Variants in DPH5 observed in about 807,000 individuals in gnomAD.
DPH5 encodes diphthine methyl ester synthase.
In DPH5, 31 loss-of-function variants were observed where a neutral mutation model predicts 31.6. That is an observed-to-expected ratio of 0.98 (90% CI 0.74 to 1.32). The LOEUF (loss-of-function observed/expected upper bound fraction) is 1.32, where lower values mean the gene tolerates loss of function less well. Among genes scored for constraint, DPH5 ranks in the 40% most tolerant of loss-of-function variants. DPH5 has a pLI of 0.00. For missense variants in DPH5, 309 were observed against 335.7 expected (o/e 0.92, Z 0.62); for synonymous variants, 120 against 115.0 (o/e 1.04, Z -0.28).
chr1:101,002,901 G>A (rs1212842732), intron 4 of DPH5, among the ~76,000 whole-genome samples: 3 of 152,114 alleles, frequency 2.0e-5, no homozygotes, highest in Non-Finnish European at 4.4e-5. Flanking sequence ...TAATTCCCTA[G>A]AGCAGCAGCT....
chr1:100,994,978 A>G (rs749624066), intron 6 of DPH5, 132 bp downstream of exon 6: 121 of 614,136 alleles, frequency 2.0e-4, no homozygotes, highest in Non-Finnish European at 3.0e-4. Flanking sequence ...TAAGAATAAA[A>G]ATGCTTAATG....
chr1:100,990,943 G>C (rs1657635612), intron 7 of DPH5, among the ~76,000 whole-genome samples: 3 of 152,164 alleles, frequency 2.0e-5, no homozygotes, highest in Admixed American at 2.0e-4. Flanking sequence ...TAAGTTCTGA[G>C]TAAACAATGT....
intron 6 of DPH5, among the ~76,000 whole-genome samples, chr1:100,993,710 T>C (rs1422446847): frequency 4.7e-5 from 7 of 150,340 alleles, no homozygotes; most frequent in Non-Finnish European, 7.4e-5. Flanking sequence ...GAATCAAGTT[T>C]TCTAGTAGCC....
chr1:101,009,998 G>A (rs111314307), intron 4 of DPH5, among the ~76,000 whole-genome samples: 51 of 152,060 alleles, frequency 3.4e-4, no homozygotes, highest in Non-Finnish European at 5.4e-4. Context: ...ATACCTTCCC[G>A]ACCTCAGTAG....
chr1:101,013,542 TA>T (rs1413947157), intron 4 of DPH5, 167 bp downstream of exon 4: 11 of 429,130 alleles, frequency 2.6e-5, no homozygotes, highest in Non-Finnish European at 3.7e-5. Flanking sequence ...AAACCTAGCA[TA>T]AAAAAATTAG....
At chr1:101,012,735 T>C (rs1171090595) in intron 4 of DPH5, among the ~76,000 whole-genome samples, 1 of 152,240 alleles carries the variant, frequency 6.6e-6, no homozygotes, top group Non-Finnish European at 1.5e-5. Context: ...AAGTGGTGAA[T>C]ACTGTCAGGT....
intron 7 of DPH5, 40 bp downstream of exon 7, chr1:100,992,597 C>A (rs1307895111): frequency 7.0e-7 from 1 of 1,427,436 alleles, no homozygotes; most frequent in Admixed American, 1.7e-5. Context: ...AATGTAGTAA[C>A]AGAGGAATAA....
At chr1:101,002,953 T>A (rs955482565) in intron 4 of DPH5, among the ~76,000 whole-genome samples, 6 of 152,196 alleles carry the variant, frequency 3.9e-5, no homozygotes, top group Non-Finnish European at 7.4e-5. Flanking sequence ...CTATAAACTA[T>A]AATCAACACT....
intron 3 of DPH5, 30 bp from the exon 4 acceptor site, chr1:101,013,848 A>G (rs566025190): frequency 6.5e-7 from 1 of 1,538,950 alleles, no homozygotes; most frequent in East Asian, 2.3e-5. Context: ...GATTGGATTA[A>G]AGCAAACAAC....
chr1:100,998,843 A>G (rs185140504), intron 5 of DPH5, among the ~76,000 whole-genome samples: 178 of 152,326 alleles, frequency 1.2e-3, no homozygotes, highest in South Asian at 3.7e-3. Context: ...AGGGTGCAGC[A>G]CATGAGATTA....
intron 4 of DPH5, among the ~76,000 whole-genome samples, chr1:101,002,120 T>C (rs1382337793): frequency 1.4e-4 from 22 of 152,188 alleles, no homozygotes; most frequent in Admixed American, 1.4e-3. Context: ...CTCCTGTCAT[T>C]GTTCCAAACC....
At chr1:101,001,374 T>G in intron 5 of DPH5, 93 bp downstream of exon 5, 3 of 1,305,650 alleles carry the variant, frequency 2.3e-6, no homozygotes, top group Non-Finnish European at 3.2e-6. Context: ...TTCTTACCTC[T>G]AGCTAATTAT....
intron 4 of DPH5, among the ~76,000 whole-genome samples, chr1:101,005,030 C>A (rs890053007): frequency 6.6e-6 from 1 of 152,202 alleles, no homozygotes; most frequent in African/African-American, 2.4e-5. Context: ...TCTTTCCCTA[C>A]AACCATGGTT....
At chr1:101,021,948 T>C (rs982457868) in intron 2 of DPH5, among the ~76,000 whole-genome samples, 183 bp from the exon 3 acceptor site, 2 of 152,146 alleles carry the variant, frequency 1.3e-5, no homozygotes, top group African/African-American at 2.4e-5. Context: ...CTTTATGTCA[T>C]GTTGCAATTA....
At chr1:101,017,211 TA>T (rs1337224098) in intron 3 of DPH5, among the ~76,000 whole-genome samples, 2 of 152,214 alleles carry the variant, frequency 1.3e-5, no homozygotes, top group African/African-American at 4.8e-5. Context: ...AAATGCAATG[TA>T]TGTGAAATGA....
At chr1:101,004,290 A>C (rs891693458) in intron 4 of DPH5, among the ~76,000 whole-genome samples, 2 of 152,190 alleles carry the variant, frequency 1.3e-5, no homozygotes, top group African/African-American at 4.8e-5. Context: ...TGTGTTTCAC[A>C]ATCGAAGGGC....
chr1:100,996,264 C>A (rs546525568), intron 5 of DPH5: 4 of 152,160 alleles, frequency 2.6e-5, no homozygotes, highest in Admixed American at 6.5e-5. Flanking sequence ...AAAATTTTAA[C>A]CCGTTTATTA....
rs754642013 is a variant in DPH5, at chr1:101,018,960, C to A, written c.260+2681G>T. Among the ~76,000 whole-genome samples, 11 of 152,230 alleles carry A rather than the reference C, an allele frequency of 7.2e-5. No homozygotes were observed. The East Asian group carries it at 2.1e-3, about 29-fold the overall frequency. On this transcript the variant is annotated intron_variant, in intron 3 of 7. Transcript: ENST00000370109. ...TCACATTCATTACATGGAATGGAAG[C>A]AGTCAGCCTACATCAGGACATATTA...
At chr1:101,015,140 G>A (rs1451265038) in intron 3 of DPH5, among the ~76,000 whole-genome samples, 1 of 152,176 alleles carries the variant, frequency 6.6e-6, no homozygotes, top group Non-Finnish European at 1.5e-5. Context: ...ATCTAGAATG[G>A]TGAATCCTTT....
Sources: gnomAD v4.1 joint callset for allele counts (sites outside exome capture counted in the v4.1 genomes callset) on GRCh38, gnomAD v4.1.1 for gene constraint, MANE v1.5 for transcripts, NCBI Gene and HGNC (gene_info 2026-07-23, HGNC 2026-07-21) for gene names.